Variants in CAMK1D observed in about 807,000 individuals in gnomAD.
CAMK1D encodes the protein calcium/calmodulin-dependent protein kinase type 1D.
Under a neutral mutation model 47.7 loss-of-function variants are expected in CAMK1D, and 9 were observed. The ratio of observed to expected loss-of-function variants is 0.19; its 90% CI spans 0.11 to 0.33. The LOEUF (loss-of-function observed/expected upper bound fraction) is 0.33. Among genes scored for constraint, CAMK1D ranks in the 10% least tolerant of loss-of-function variants. CAMK1D has a pLI of 1.00. For synonymous variants in CAMK1D, 184 were observed against 184.9 expected (o/e 0.99, Z 0.04); for missense variants, 291 against 488.7 (o/e 0.60, Z 3.81).
At chr10:12,401,066 TTA>T (rs1379688535) in intron 1 of CAMK1D, among the ~76,000 whole-genome samples, 1 of 86,640 alleles carries the variant, frequency 1.2e-5, no homozygotes, top group East Asian at 2.6e-4. Flanking sequence ...TATATATATT[TTA>T]TATATATAAT....
intron 1 of CAMK1D, among the ~76,000 whole-genome samples, chr10:12,500,904 C>T (rs1302035463): frequency 4.6e-5 from 7 of 152,214 alleles, no homozygotes; most frequent in African/African-American, 9.7e-5. Flanking sequence ...TGAACACTTT[C>T]GCATAGATTG....
chr10:12,782,302 A>G (rs1837535373), intron 5 of CAMK1D, among the ~76,000 whole-genome samples: 5 of 152,144 alleles, frequency 3.3e-5, no homozygotes, highest in Admixed American at 1.3e-4. Context: ...CTTTTTTAAT[A>G]TCCCTGCTGC....
At chr10:12,643,317 C>G (rs973829551) in intron 2 of CAMK1D, among the ~76,000 whole-genome samples, 1 of 152,160 alleles carries the variant, frequency 6.6e-6, no homozygotes, top group African/African-American at 2.4e-5. Context: ...TGTTTTCATG[C>G]AGTCTGTGTG....
intron 3 of CAMK1D, among the ~76,000 whole-genome samples, chr10:12,745,069 C>T (rs762781156): frequency 2.0e-4 from 31 of 152,364 alleles, no homozygotes; most frequent in African/African-American, 1.7e-4. Context: ...GTCTCGCCAT[C>T]GTCCAGGCTG....
At chr10:12,585,421 A>G (rs138313877) in intron 2 of CAMK1D, among the ~76,000 whole-genome samples, 41 of 152,324 alleles carry the variant, frequency 2.7e-4, no homozygotes, top group African/African-American at 9.9e-4. Context: ...GACCAAGTAC[A>G]GTTCCTAGGA....
chr10:12,378,418 ATTT>A (rs71384317), intron 1 of CAMK1D, among the ~76,000 whole-genome samples: 1 of 142,790 alleles, frequency 7.0e-6, no homozygotes. Flanking sequence ...GCAAACTTAA[ATTT>A]TTTTTTTTTT....
intron 5 of CAMK1D, among the ~76,000 whole-genome samples, chr10:12,772,908 A>C (rs1305254414): frequency 6.6e-6 from 1 of 152,088 alleles, no homozygotes; most frequent in East Asian, 1.9e-4. Context: ...TTGTATCTAG[A>C]GGACATCCCT....
intron 1 of CAMK1D, among the ~76,000 whole-genome samples, chr10:12,359,357 C>T (rs563755413): frequency 6.6e-6 from 1 of 152,306 alleles, no homozygotes; most frequent in South Asian, 2.1e-4. Context: ...ATTTGGAAGG[C>T]CCGCTGAGCC....
At chr10:12,749,268 A>G (rs1159517828) in intron 3 of CAMK1D, among the ~76,000 whole-genome samples, 1 of 151,792 alleles carries the variant, frequency 6.6e-6, no homozygotes, top group Non-Finnish European at 1.5e-5. Flanking sequence ...GGGGAAAAAA[A>G]TCTTTGTCAT....
intron 4 of CAMK1D, among the ~76,000 whole-genome samples, chr10:12,768,165 G>A (rs374001535): frequency 6.6e-6 from 1 of 152,300 alleles, no homozygotes; most frequent in Admixed American, 6.5e-5. Context: ...AAACCACCGT[G>A]CCTGGCCAGA....
chr10:12,802,567 C>T (rs1393871873), intron 6 of CAMK1D, among the ~76,000 whole-genome samples: 1 of 152,204 alleles, frequency 6.6e-6, no homozygotes, highest in Non-Finnish European at 1.5e-5. Flanking sequence ...GTCACCCAGG[C>T]TGGAGTGCAG....
intron 1 of CAMK1D, among the ~76,000 whole-genome samples, chr10:12,531,470 T>A (rs1281305640): frequency 6.6e-6 from 1 of 152,198 alleles, no homozygotes; most frequent in African/African-American, 2.4e-5. Context: ...TTAAACATAC[T>A]GTCTGTGAAC....
intron 2 of CAMK1D, among the ~76,000 whole-genome samples, chr10:12,654,943 C>T (rs1285419275): frequency 1.3e-5 from 2 of 152,126 alleles, no homozygotes; most frequent in South Asian, 2.1e-4. Flanking sequence ...GCCTAGGCCA[C>T]GCCGCAGGCC....
chr10:12,751,674 CAGGAAAGGCATATCTGTAGT>C (rs1835993015), intron 3 of CAMK1D, among the ~76,000 whole-genome samples: 1 of 152,126 alleles, frequency 6.6e-6, no homozygotes, highest in Non-Finnish European at 1.5e-5. Flanking sequence ...GTCTAGGGGT[CAGGAAAGGCATATCTGTAGT>C]AGCGACATTC....
At chr10:12,725,119 C>A (rs748035793) in intron 3 of CAMK1D, 1 of 153,860 alleles carries the variant, frequency 6.5e-6, no homozygotes, top group Non-Finnish European at 1.5e-5. Flanking sequence ...CCCTCAGATC[C>A]GCAGTCCTCT....
chr10:12,413,640 TG>T (rs1209993743), intron 1 of CAMK1D, among the ~76,000 whole-genome samples: 2 of 19,086 alleles, frequency 1.0e-4, no homozygotes, highest in African/African-American at 3.3e-4. Context: ...CAGAGAAATG[TG>T]GGTTTGAAGG....
chr10:12,552,784 C>T (rs1343066680), intron 1 of CAMK1D, among the ~76,000 whole-genome samples: 1 of 152,178 alleles, frequency 6.6e-6, no homozygotes, highest in Non-Finnish European at 1.5e-5. Context: ...CTCTGTCGCC[C>T]AGGCTGGAGT....
chr10:12,561,723 T>C (rs1302733378), intron 2 of CAMK1D, among the ~76,000 whole-genome samples: 1 of 152,204 alleles, frequency 6.6e-6, no homozygotes, highest in African/African-American at 2.4e-5. Flanking sequence ...AGAGAGAATA[T>C]ATTTGGTGCT....
At chr10:12,449,394 C>T (rs181000929) in intron 1 of CAMK1D, among the ~76,000 whole-genome samples, 19 of 151,320 alleles carry the variant, frequency 1.3e-4, no homozygotes, top group Non-Finnish European at 1.9e-4. Flanking sequence ...TTAACCAGCT[C>T]GTCCACTAAC....
Sources: allele counts gnomAD v4.1 joint callset (sites outside exome capture counted in the v4.1 genomes callset), GRCh38; gene constraint gnomAD v4.1.1; transcripts MANE v1.5; gene names NCBI Gene and HGNC (gene_info 2026-07-23, HGNC 2026-07-21).